Variants in TCERG1L observed in about 807,000 individuals in gnomAD.
The protein encoded by TCERG1L is transcription elongation regulator 1-like protein.
In TCERG1L, 37 loss-of-function variants were observed where a neutral mutation model predicts 56.3. That is an observed-to-expected ratio of 0.66 (90% CI 0.51 to 0.87). The LOEUF (loss-of-function observed/expected upper bound fraction) is 0.87. Among genes scored for constraint, TCERG1L ranks in the 40% least tolerant of loss-of-function variants. The pLI, the probability that TCERG1L is intolerant of heterozygous loss-of-function variation, is 0.00. For missense variants in TCERG1L, 799 were observed against 774.2 expected (o/e 1.03, Z -0.38); for synonymous variants, 324 against 326.3 (o/e 0.99, Z 0.08).
At chr10:131,175,060 C>A (rs774653416) in intron 4 of TCERG1L, among the ~76,000 whole-genome samples, 5 of 150,724 alleles carry the variant, frequency 3.3e-5, no homozygotes, top group Non-Finnish European at 7.4e-5. Flanking sequence ...TCTGTTTGAC[C>A]AGCAAGAGAA....
chr10:131,280,313 C>G lies in TCERG1L; in HGVS notation c.671-19869G>C, dbSNP rs116911810. ...TGAATAGAATGGGAGGCAGGTTGGC[C>G]CTAAGCCATTCCCAGCTTGACTTTT... On this transcript the variant is annotated intron_variant, in intron 3 of 11. Transcript: ENST00000368642. Among the ~76,000 whole-genome samples the G allele has an allele frequency of 5.5e-4, 83 of 151,778 alleles. 1 individual carries two copies. In the East Asian group the frequency reaches 0.012, roughly 21 times the overall value.
chr10:131,221,477 T>C (rs981459064), intron 4 of TCERG1L, among the ~76,000 whole-genome samples: 1 of 152,152 alleles, frequency 6.6e-6, no homozygotes, highest in Non-Finnish European at 1.5e-5. Context: ...CTTGAGCAAT[T>C]AGAAGGCAGC....
At chr10:131,113,265 G>A (rs1222608764) in intron 9 of TCERG1L, among the ~76,000 whole-genome samples, 1 of 142,392 alleles carries the variant, frequency 7.0e-6, no homozygotes, top group Non-Finnish European at 1.6e-5. Flanking sequence ...AGAAATTAGA[G>A]CGGGCAGTGC....
At chr10:131,270,665 C>T (rs1313999021) in intron 3 of TCERG1L, among the ~76,000 whole-genome samples, 2 of 152,240 alleles carry the variant, frequency 1.3e-5, no homozygotes, top group Non-Finnish European at 2.9e-5. Flanking sequence ...TATTGCCACT[C>T]CTACCTTCTT....
intron 4 of TCERG1L, among the ~76,000 whole-genome samples, chr10:131,241,742 TA>T (rs1403217423): frequency 6.6e-6 from 1 of 152,086 alleles, no homozygotes; most frequent in Non-Finnish European, 1.5e-5. Flanking sequence ...TGTGTATACA[TA>T]TACATGCTTA....
Position 131,204,748 on chromosome 10 carries a change from C to A in TCERG1L, c.857-37863G>T, listed in dbSNP as rs542264701. 1.3e-3 allele frequency among the ~76,000 whole-genome samples: 195 copies of A among 152,356 alleles called. 2 individuals carry two copies. The highest frequency in any genetic ancestry group is 4.5e-3 in the African/African-American group (188 of 41,580). The stretch of plus-strand genomic sequence containing the variant: ...AGAAGACTCCCTTCAGGGAGAGGCC[C>A]CGATGGCAGTGGACTTGTCCCTCAG... On this transcript the variant is annotated intron_variant, in intron 4 of 11. Transcript: ENST00000368642.
chr10:131,097,618 A>G (rs1845263438), intron 11 of TCERG1L, among the ~76,000 whole-genome samples: 1 of 152,220 alleles, frequency 6.6e-6, no homozygotes, highest in Non-Finnish European at 1.5e-5. Flanking sequence ...AAGTGCTGGG[A>G]TTATAGGCGT....
chr10:131,302,537 G>A (rs1438379540), intron 3 of TCERG1L, among the ~76,000 whole-genome samples: 1 of 151,610 alleles, frequency 6.6e-6, no homozygotes, highest in African/African-American at 2.4e-5. Flanking sequence ...ATCTTTGGTA[G>A]GAGAAAATTT....
intron 6 of TCERG1L, among the ~76,000 whole-genome samples, chr10:131,158,382 G>T (rs946492332): frequency 2.6e-5 from 4 of 152,206 alleles, no homozygotes; most frequent in African/African-American, 7.2e-5. Flanking sequence ...TATTCAGTCT[G>T]CTGTCTTCTC....
intron 4 of TCERG1L, among the ~76,000 whole-genome samples, chr10:131,203,176 T>C (rs907702288): frequency 6.6e-6 from 1 of 152,194 alleles, no homozygotes; most frequent in Non-Finnish European, 1.5e-5. Context: ...TGTTCATGGA[T>C]ATGCGTATAC....
intron 3 of TCERG1L, among the ~76,000 whole-genome samples, chr10:131,263,647 C>T (rs948842780): frequency 2.0e-5 from 3 of 152,206 alleles, no homozygotes; most frequent in East Asian, 1.9e-4. Flanking sequence ...TAGATAACGA[C>T]GACATAAACA....
At chr10:131,218,255 C>G (rs1845693760) in intron 4 of TCERG1L, among the ~76,000 whole-genome samples, 1 of 152,150 alleles carries the variant, frequency 6.6e-6, no homozygotes, top group African/African-American at 2.4e-5. Flanking sequence ...TAAGAAAGCA[C>G]CAATACATCT....
chr10:131,230,558 C>T (rs760273597), intron 4 of TCERG1L, among the ~76,000 whole-genome samples: 3 of 152,192 alleles, frequency 2.0e-5, no homozygotes, highest in East Asian at 1.9e-4. Flanking sequence ...ACGAGCCTGG[C>T]GGGCCCAGAT....
At chr10:131,291,473 T>C (rs1205177923) in intron 3 of TCERG1L, among the ~76,000 whole-genome samples, 87 of 130,152 alleles carry the variant, frequency 6.7e-4, no homozygotes, top group East Asian at 1.8e-3. Context: ...GTCTCCCAGG[T>C]TGGAGTGCAG....
chr10:131,278,981 T>A (rs1564832202), intron 3 of TCERG1L, among the ~76,000 whole-genome samples: 1 of 152,254 alleles, frequency 6.6e-6, no homozygotes, highest in African/African-American at 2.4e-5. Flanking sequence ...GCCAATCACA[T>A]CTGTTTGAGA....
intron 7 of TCERG1L, among the ~76,000 whole-genome samples, chr10:131,142,106 A>T (rs1190444088): frequency 6.6e-6 from 1 of 152,198 alleles, no homozygotes; most frequent in Non-Finnish European, 1.5e-5. Context: ...CTTAGCAAAC[A>T]AGCCACCTGG....
intron 4 of TCERG1L, among the ~76,000 whole-genome samples, chr10:131,251,187 T>C (rs1846106692): frequency 6.6e-6 from 1 of 152,148 alleles, no homozygotes; most frequent in Non-Finnish European, 1.5e-5. Flanking sequence ...CACCTCTTCG[T>C]TCCCCTGGAG....
In TCERG1L at chr10:131,245,409, A is replaced by AT. The variant is rs1846020491; in HGVS notation, c.856+14849_856+14850insA. On this transcript the variant is annotated intron_variant, in intron 4 of 11. Transcript: ENST00000368642. ...AGCTTGTTAATTGGTTTAAAATAAT[A>AT]ATTTTTTTTTTAAAAAAACTGAGAA... 2.5e-5 allele frequency among the ~76,000 whole-genome samples: 3 copies of AT among 118,174 alleles called. No homozygotes were observed. In the Admixed American group the frequency reaches 2.7e-4, roughly 11 times the overall value. 77.5% of individuals were successfully genotyped at this position (118,174 alleles called of 152,430 possible).
intron 7 of TCERG1L, among the ~76,000 whole-genome samples, chr10:131,144,601 T>C (rs1845774891): frequency 6.6e-6 from 1 of 151,652 alleles, no homozygotes; most frequent in Non-Finnish European, 1.5e-5. Flanking sequence ...AAAAGACTGG[T>C]TGAAAACAAA....
Sources: allele counts gnomAD v4.1 joint callset (sites outside exome capture counted in the v4.1 genomes callset), GRCh38; gene constraint gnomAD v4.1.1; transcripts MANE v1.5; gene names NCBI Gene and HGNC (gene_info 2026-07-23, HGNC 2026-07-21).